The following ACACA variants were observed in gnomAD, a reference collection of about 807,000 sequenced individuals.
ACACA encodes acetyl-CoA carboxylase alpha, also known as acetyl-CoA carboxylase 1.
ACACA carries 103 observed loss-of-function variants against 296.1 expected under a neutral mutation model. That is an observed-to-expected ratio of 0.35 (90% CI 0.30 to 0.41). ACACA has a LOEUF of 0.41. Among genes scored for constraint, ACACA ranks in the 10% least tolerant of loss-of-function variants. The pLI, the probability that ACACA is intolerant of heterozygous loss-of-function variation, is 1.00. For synonymous variants in ACACA, 953 were observed against 1,038.6 expected (o/e 0.92, Z 1.58); for missense variants, 1,554 against 2,989.7 (o/e 0.52, Z 11.20).
At chr17:37,359,127 C>G (rs2049287692) in intron 1 of ACACA, 2 of 985,364 alleles carry the variant, frequency 2.0e-6, no homozygotes, top group South Asian at 4.7e-5. Context: ...GCCCGGCACA[C>G]GGAGAAGGGG....
chr17:37,108,833 G>C (rs777682957), intron 52 of ACACA, among the ~76,000 whole-genome samples: 3 of 152,152 alleles, frequency 2.0e-5, no homozygotes, highest in Non-Finnish European at 2.9e-5. Context: ...TCCTAAATCA[G>C]ATTTTCTCTG....
chr17:37,087,130 C>T lies in ACACA; in HGVS notation c.*186G>A, dbSNP rs1254102629. On this transcript the variant is annotated 3_prime_UTR_variant, in exon 56 of 56. Coordinates refer to ENST00000616317, the MANE Select transcript of ACACA (RefSeq NM_198834.3). The stretch of plus-strand genomic sequence containing the variant: ...GAATGGGGTAGGTGTGACTGGTGGG[C>T]TGGAGGGGGATTCTGTGATCTTACA... The T allele has an allele frequency of 2.6e-6, 2 of 783,622 alleles. No individual in the cohort carries two copies. The highest frequency in any genetic ancestry group is 4.2e-6 in the Non-Finnish European group (2 of 476,396). 48.5% of individuals were successfully genotyped at this position (783,622 alleles called of 1,614,324 possible).
At chr17:37,396,345 A>AC (rs2051080887) in intron 1 of ACACA, among the ~76,000 whole-genome samples, 1 of 151,582 alleles carries the variant, frequency 6.6e-6, no homozygotes, top group African/African-American at 2.4e-5. Context: ...ATCTCAAAAA[A>AC]AAAAAAAAGA....
chr17:37,128,112 T>C (rs1168291833), intron 47 of ACACA, among the ~76,000 whole-genome samples: 1 of 150,832 alleles, frequency 6.6e-6, no homozygotes, highest in Non-Finnish European at 1.5e-5. Flanking sequence ...AACTATTTCG[T>C]TTTATTAAAA....
chr17:37,380,401 T>C (rs2050194293), intron 1 of ACACA, among the ~76,000 whole-genome samples: 1 of 151,552 alleles, frequency 6.6e-6, no homozygotes, highest in South Asian at 2.1e-4. Flanking sequence ...AATGTGCACA[T>C]GTACCCTAAA....
intron 41 of ACACA, among the ~76,000 whole-genome samples, chr17:37,170,405 TAAG>T (rs1179803613): frequency 6.6e-6 from 1 of 152,054 alleles, no homozygotes; most frequent in Non-Finnish European, 1.5e-5. Flanking sequence ...AGTATTTCCA[TAAG>T]AAGTGGGACC....
In ACACA at chr17:37,193,056, T is replaced by C. The variant is rs1252569663; in HGVS notation, c.4200+318A>G. Among the ~76,000 whole-genome samples, 4 of 152,058 alleles carry C rather than the reference T, an allele frequency of 2.6e-5. No individual in the cohort carries two copies. The East Asian group carries it at 5.8e-4, about 22-fold the overall frequency. ...AAAAACAAATTCACATAAAGTAGAG[T>C]TGAGTATCAGTGAACTATTTGTAGA... On this transcript the variant is annotated intron_variant, in intron 36 of 55. Coordinates refer to ENST00000616317, the MANE Select transcript of ACACA (RefSeq NM_198834.3).
At chr17:37,392,505 A>G (rs1294598689) in intron 1 of ACACA, 1 of 152,142 alleles carries the variant, frequency 6.6e-6, no homozygotes, top group Non-Finnish European at 1.5e-5. Context: ...AAGTGAAACC[A>G]CCTGATCTTG....
intron 19 of ACACA, 95 bp from the exon 20 acceptor site, chr17:37,245,309 AC>A: frequency 1.6e-6 from 2 of 1,282,388 alleles, no homozygotes; most frequent in Non-Finnish European, 1.1e-6. Flanking sequence ...TCTAAGTTGG[AC>A]CACACCTAAT....
At chr17:37,209,980 C>G (rs907924356) in intron 30 of ACACA, among the ~76,000 whole-genome samples, 2 of 152,314 alleles carry the variant, frequency 1.3e-5, no homozygotes, top group Middle Eastern at 6.8e-3. Flanking sequence ...AACATTTTAA[C>G]ACTTTAGAAA....
At chr17:37,321,081 A>G (rs747772643) in intron 3 of ACACA, among the ~76,000 whole-genome samples, 6 of 152,226 alleles carry the variant, frequency 3.9e-5, no homozygotes, top group African/African-American at 7.2e-5. Flanking sequence ...CACTTATTAA[A>G]TGTAACCTAT....
Position 37,379,501 on chromosome 17 carries a change from GTTGT to G in ACACA, c.38+26757_38+26760del, listed in dbSNP as rs1262252663. The G allele has an allele frequency of 2.2e-5, 29 of 1,312,190 alleles. No homozygotes were observed. In the East Asian group the frequency reaches 3.8e-4, roughly 17 times the overall value. 81.3% of individuals were successfully genotyped at this position (1,312,190 alleles called of 1,614,324 possible). ...AATGAATTATCCACTTTTTGATGGG[GTTGT>G]TTGTTTTTTTTCTTGTAAATTTGTT... On this transcript the variant is annotated intron_variant, in intron 1 of 55. Transcript: ENST00000616317.
At chr17:37,363,055 A>G (rs983924799) in intron 1 of ACACA, among the ~76,000 whole-genome samples, 1 of 148,308 alleles carries the variant, frequency 6.7e-6, no homozygotes, top group Admixed American at 6.7e-5. Context: ...TTTAATCACA[A>G]CTACTCACTG....
chr17:37,107,198 G>A (rs1468163493), intron 52 of ACACA, among the ~76,000 whole-genome samples: 1 of 152,166 alleles, frequency 6.6e-6, no homozygotes, highest in Non-Finnish European at 1.5e-5. Context: ...CATGCGTATC[G>A]GAACTTCTTT....
chr17:37,112,235 G>A (rs1305784411), intron 51 of ACACA, among the ~76,000 whole-genome samples: 2 of 151,992 alleles, frequency 1.3e-5, no homozygotes, highest in Non-Finnish European at 2.9e-5. Context: ...TACTAATGAT[G>A]TTCAGTCCCC....
chr17:37,292,529 C>G (rs2083117865), intron 3 of ACACA, among the ~76,000 whole-genome samples: 1 of 152,058 alleles, frequency 6.6e-6, no homozygotes, highest in African/African-American at 2.4e-5. Flanking sequence ...TGAAAGATTT[C>G]AAAATGAAAA....
chr17:37,136,144 T>C (rs1008249921), intron 45 of ACACA, among the ~76,000 whole-genome samples: 3 of 152,030 alleles, frequency 2.0e-5, no homozygotes, highest in African/African-American at 7.3e-5. Flanking sequence ...TGAATTTTAA[T>C]ACACATAGTC....
At chr17:37,390,334 A>ATATATATATATATATATATATATTTAT (rs2050822111) in intron 1 of ACACA, among the ~76,000 whole-genome samples, 1 of 93,444 alleles carries the variant, frequency 1.1e-5, no homozygotes, top group Non-Finnish European at 1.9e-5. Context: ...ATATATATAT[A>ATATATATATATATATATATATATTTAT]AAAGGCCAGC....
intron 45 of ACACA, among the ~76,000 whole-genome samples, chr17:37,137,426 C>G (rs1237662649): frequency 6.6e-6 from 1 of 152,118 alleles, no homozygotes; most frequent in Non-Finnish European, 1.5e-5. Flanking sequence ...TCCTTTAGAA[C>G]ACATGAAAGG....
Sources: gnomAD v4.1 joint callset for allele counts (sites outside exome capture counted in the v4.1 genomes callset) on GRCh38, gnomAD v4.1.1 for gene constraint, MANE v1.5 for transcripts, NCBI Gene and HGNC (gene_info 2026-07-23, HGNC 2026-07-21) for gene names.